The following UMOD variants were observed in gnomAD, a reference collection of about 807,000 sequenced individuals.
UMOD encodes uromodulin.
A neutral mutation model predicts 66.0 loss-of-function variants in UMOD; 64 were observed. The observed-to-expected ratio is 0.97, with a 90% CI of 0.79 to 1.19. UMOD has a LOEUF of 1.19. Among genes scored for constraint, UMOD ranks in the 50% most tolerant of loss-of-function variants. The pLI is 0.00. For missense variants in UMOD, 764 were observed against 850.9 expected (o/e 0.90, Z 1.27); for synonymous variants, 398 against 352.7 (o/e 1.13, Z -1.44).
At chr16:20,338,871 T>C (rs1232442553) in intron 7 of UMOD, among the ~76,000 whole-genome samples, 1 of 152,212 alleles carries the variant, frequency 6.6e-6, no homozygotes, top group Non-Finnish European at 1.5e-5. Flanking sequence ...GCAATTCTCC[T>C]GCCTCAGCCT....
Position 20,348,794 on chromosome 16 carries a change from C to G in UMOD, c.507G>C (p.Val169=). 1 of 1,544,538 alleles carries G rather than the reference C, an allele frequency of 6.5e-7. No homozygotes were observed. The highest frequency in any genetic ancestry group is 8.7e-7 in the Non-Finnish European group (1 of 1,146,264). ...LDCVPEGDAL[V]CADPCQAHRT... Reference sequence around the variant, plus strand: ...GGTGCGCCTGGCACGGATCCGCGCACACGAGCGCGTCGCCCTCGGGCACGC... The same window carrying G: ...GGTGCGCCTGGCACGGATCCGCGCAGACGAGCGCGTCGCCCTCGGGCACGC... The change falls in exon 3 of 11, where the codon GTG becomes GTC. Residue 169 remains valine (V), a synonymous_variant. Transcript: ENST00000396138.
In UMOD at chr16:20,349,828, G is replaced by A. The variant is rs1035171337; in HGVS notation, c.89-616C>T. ...TGCTCAGTGTCGCCTCCTCTCTGCG[G>A]AGTCCTCCAACTCCACCTGGCTGGG... On this transcript the variant is annotated intron_variant, in intron 2 of 10. Coordinates refer to ENST00000396138, the MANE Select transcript of UMOD (RefSeq NM_003361.4). The A allele has an allele frequency of 1.9e-6, 3 of 1,549,784 alleles. No homozygotes were observed. In the African/African-American group the frequency reaches 4.1e-5, roughly 21 times the overall value.
At chr16:20,340,991 C>CAA (rs560216745) in intron 7 of UMOD, 100 bp downstream of exon 7, 1,957 of 1,026,270 alleles carry the variant, frequency 1.9e-3, no homozygotes, top group Non-Finnish European at 2.1e-3. Context: ...AAGACTCTGT[C>CAA]AAAAAAAAAA....
chr16:20,337,343 T>C lies in UMOD; in HGVS notation c.1688A>G (p.Tyr563Cys). ...FRFAGNYDLV[Y>C]LHCEVYLCDT... The stretch of plus-strand genomic sequence containing the variant: ...ACAGAGATAGACTTCACAGTGCAGG[T>C]AGACTAGGTCATAGTTTCCAGCAAA... The change falls in exon 8 of 11, where the codon TAC becomes TGC. Residue 563 changes from tyrosine to cysteine, a missense_variant. Coordinates refer to ENST00000396138, the MANE Select transcript of UMOD (RefSeq NM_003361.4). 6.2e-7 allele frequency: 1 copy of C among 1,614,222 alleles called. No homozygotes were observed. Among genetic ancestry groups the C allele is most frequent in the East Asian group, 2.2e-5 (1 of 44,890 alleles).
chr16:20,341,366 C>A (rs752319373), intron 6 of UMOD, 30 bp from the exon 7 acceptor site: 14 of 1,610,788 alleles, frequency 8.7e-6, no homozygotes, highest in Non-Finnish European at 3.4e-6. Context: ...GGTGAGAGGA[C>A]CGGGCTGAGA....
chr16:20,353,339 G>A (rs146945503), upstream of UMOD, among the ~76,000 whole-genome samples: 3 of 152,272 alleles, frequency 2.0e-5, no homozygotes, highest in South Asian at 4.1e-4. Context: ...CTTTGGAGGC[G>A]AAATAAATTT....
chr16:20,348,307 ACGTCC>A lies in UMOD; in HGVS notation c.884_888del (p.Gly295ValfsTer2). 1 of 1,614,184 alleles carries A rather than the reference ACGTCC, an allele frequency of 6.2e-7. No individual in the cohort carries two copies. The highest frequency in any genetic ancestry group is 1.1e-5 in the South Asian group (1 of 91,088). On this transcript the variant is annotated frameshift_variant, in exon 4 of 11. Coordinates refer to ENST00000396138, the MANE Select transcript of UMOD (RefSeq NM_003361.4). LOFTEE classifies it high-confidence loss of function. ...TCCTCGTCTATACTGCACTCCTCAC[ACGTCC>A]CCTCCACGGAGCTGGGGTCTGCAGG...
intron 7 of UMOD, among the ~76,000 whole-genome samples, chr16:20,337,721 A>G (rs1964965449): frequency 6.6e-6 from 1 of 152,234 alleles, no homozygotes; most frequent in South Asian, 2.1e-4. Context: ...ATTTGATACT[A>G]AAGTGAAACT....
Position 20,348,815 on chromosome 16 carries a change from C to T in UMOD, c.486G>A (p.Val162=), listed in dbSNP as rs1220690410. 2 of 1,545,854 alleles carry T rather than the reference C, an allele frequency of 1.3e-6. No individual in the cohort carries two copies. The change falls in exon 3 of 11, where the codon GTG becomes GTA. Residue 162 remains valine (V), a synonymous_variant. Coordinates refer to ENST00000396138, the MANE Select transcript of UMOD (RefSeq NM_003361.4). ...PGSCGPGLDC[V]PEGDALVCAD... Reference sequence around the variant, plus strand: ...CGCACACGAGCGCGTCGCCCTCGGGCACGCAGTCCAACCCCGGCCCGCAGG... The same window carrying T: ...CGCACACGAGCGCGTCGCCCTCGGGTACGCAGTCCAACCCCGGCCCGCAGG...
rs781410830 is a variant in UMOD, at chr16:20,337,402, G to A, written c.1629C>T (p.Ser543=). ...TCTGGACGGAAAATCGGCCCTGGGA[G>A]GACTCCCCATTCTCCACCACTTGGA... ...STIQVVENGE[S]SQGRFSVQMF... is the part of the protein sequence containing the mutation. The change falls in exon 8 of 11, where the codon TCC becomes TCT. Residue 543 remains serine, a synonymous_variant. Transcript: ENST00000396138. 3.3e-5 allele frequency: 54 copies of A among 1,614,070 alleles called. No individual in the cohort carries two copies. The highest frequency in any genetic ancestry group is 4.5e-5 in the Non-Finnish European group (53 of 1,180,040).
At chr16:20,342,886 T>C (rs1965313505) in intron 6 of UMOD, among the ~76,000 whole-genome samples, 1 of 152,100 alleles carries the variant, frequency 6.6e-6, no homozygotes, top group African/African-American at 2.4e-5. Context: ...TCCCAGCACT[T>C]TGGGAGGCCG....
rs776093710 is a variant in UMOD at position 20,348,667 on chromosome 16, G to A, written c.634C>T (p.Arg212Cys). 2 of 1,556,882 alleles carry A rather than the reference G, an allele frequency of 1.3e-6. No individual in the cohort carries two copies. The highest frequency in any genetic ancestry group is 1.7e-6 in the Non-Finnish European group (2 of 1,154,032). The change falls in exon 3 of 11, where the codon CGC (arginine) becomes TGC (cysteine). Residue 212 changes from arginine (R) to cysteine (C), a missense_variant. Physicochemically the swap from Arg to Cys is radical, Grantham distance 180 (BLOSUM62 -3). Coordinates refer to ENST00000396138, the MANE Select transcript of UMOD (RefSeq NM_003361.4). ...ACTGGCACGCAGGTCTCGGCCATGC[G>A]CGCACCGCCCTGGCCCACGAAGCGG... The part of the protein sequence containing the change: ...WYRFVGQGGA[R>C]MAETCVPVLR...
In UMOD at chr16:20,341,191, C is replaced by G; in HGVS notation, c.1477G>C (p.Gly493Arg). Reference sequence around the variant, plus strand: ...AGTGCAAATCGGGACAGGTCGCCCCCATCCAACATGGTGCCCACGTAGAGA... The same window carrying G: ...AGTGCAAATCGGGACAGGTCGCCCCGATCCAACATGGTGCCCACGTAGAGA... ...AFLYVGTMLDGGDLSRFALLM... is the reference protein window; with the variant it reads ...AFLYVGTMLDRGDLSRFALLM... The change falls in exon 7 of 11, where the codon GGG (glycine) becomes CGG (arginine). Residue 493 changes from glycine to arginine, a missense_variant. Physicochemically the swap from Gly to Arg is moderately radical, Grantham distance 125 (BLOSUM62 -2). Coordinates refer to ENST00000396138, the MANE Select transcript of UMOD (RefSeq NM_003361.4). The G allele has an allele frequency of 6.2e-7, 1 of 1,614,054 alleles. No individual in the cohort carries two copies. Among genetic ancestry groups the G allele is most frequent in the Non-Finnish European group, 8.5e-7 (1 of 1,180,014 alleles).
chr16:20,336,510 C>T, intron 9 of UMOD, 136 bp downstream of exon 9: 2 of 775,524 alleles, frequency 2.6e-6, no homozygotes, highest in Non-Finnish European at 4.5e-6. Flanking sequence ...CTGTATTCCA[C>T]CTTGCCCCAG....
intron 4 of UMOD, 70 bp downstream of exon 4, chr16:20,348,153 G>A: frequency 7.3e-7 from 1 of 1,367,220 alleles, no homozygotes. Flanking sequence ...ATCTCACAGG[G>A]GAGGAATGTG....
chr16:20,337,211 G>A, intron 8 of UMOD, 80 bp downstream of exon 8: 1 of 1,559,136 alleles, frequency 6.4e-7, no homozygotes, highest in South Asian at 1.1e-5. Flanking sequence ...GGGAAACAGG[G>A]AAGAAATATT....
chr16:20,348,412 G>T, intron 3 of UMOD, 24 bp downstream of exon 3: 2 of 1,614,114 alleles, frequency 1.2e-6, no homozygotes, highest in Middle Eastern at 3.3e-4. Flanking sequence ...CTGGGATGAG[G>T]ACTGTGGGGA....
At chr16:20,338,991 C>A (rs1376837334) in intron 7 of UMOD, among the ~76,000 whole-genome samples, 5 of 152,152 alleles carry the variant, frequency 3.3e-5, no homozygotes, top group Non-Finnish European at 5.9e-5. Context: ...GACCTCCTGA[C>A]CTCAGGTGAT....
upstream of UMOD, chr16:20,352,734 A>G (rs1965956239): frequency 8.1e-7 from 1 of 1,231,634 alleles, no homozygotes; most frequent in Non-Finnish European, 1.0e-6. Flanking sequence ...TGTGCCTCAT[A>G]CTTATATATA....
Sources: gnomAD v4.1 joint callset for allele counts (sites outside exome capture counted in the v4.1 genomes callset) on GRCh38, gnomAD v4.1.1 for gene constraint, MANE v1.5 for transcripts, NCBI Gene and HGNC (gene_info 2026-07-23, HGNC 2026-07-21) for gene names.